The following ZNF676 variants were observed in gnomAD, a reference collection of about 807,000 sequenced individuals.
The protein encoded by ZNF676 is zinc finger protein 676.
In ZNF676, 4 loss-of-function variants were observed where a neutral mutation model predicts 6.0. That is an observed-to-expected ratio of 0.67 (90% CI 0.33 to 1.53). The LOEUF is 1.53. Among genes scored for constraint, ZNF676 ranks in the 40% most tolerant of loss-of-function variants. The pLI, the probability that ZNF676 is intolerant of heterozygous loss-of-function variation, is 0.06. For synonymous variants in ZNF676, 198 were observed against 223.1 expected (o/e 0.89, Z 1.00); for missense variants, 644 against 679.7 (o/e 0.95, Z 0.58).
At chr19:22,235,028 G>GAAAAGAAAAGA in the ZNF676 span, among the ~76,000 whole-genome samples, 8 of 62,352 alleles carry the variant, frequency 1.3e-4, no homozygotes, top group Non-Finnish European at 2.2e-4. Context: ...AAGAAAGAAA[G>GAAAAGAAAAGA]AAAGAAAAGA....
At chr19:22,241,820 T>A in the ZNF676 span, among the ~76,000 whole-genome samples, 1 of 151,844 alleles carries the variant, frequency 6.6e-6, no homozygotes, top group Non-Finnish European at 1.5e-5. Context: ...ACCATCTCAT[T>A]TGTGGTCAGG....
chr19:22,244,630 T>C, the ZNF676 span: 1 of 152,182 alleles, frequency 6.6e-6, no homozygotes, highest in African/African-American at 2.4e-5. Flanking sequence ...CAGTGATATT[T>C]TACAATGCTC....
At chr19:22,214,854 A>C (rs1462991671) in intron 1 of ZNF676, among the ~76,000 whole-genome samples, 1 of 151,618 alleles carries the variant, frequency 6.6e-6, no homozygotes, top group East Asian at 2.0e-4. Context: ...CCTGACTAAC[A>C]CGGTGAAACT....
chr19:22,252,403 A>AG, the ZNF676 span, among the ~76,000 whole-genome samples: 1 of 149,880 alleles, frequency 6.7e-6, no homozygotes, highest in Non-Finnish European at 1.5e-5. Context: ...TGAAAAAAAA[A>AG]AAGAAAAGAA....
the ZNF676 span, among the ~76,000 whole-genome samples, chr19:22,256,214 TGA>T: frequency 5.3e-5 from 8 of 152,238 alleles, no homozygotes; most frequent in Admixed American, 5.2e-4. Flanking sequence ...GTTTAAGATA[TGA>T]GAGTCATCAT....
chr19:22,230,994 T>G, the ZNF676 span, among the ~76,000 whole-genome samples: 55 of 152,144 alleles, frequency 3.6e-4, no homozygotes, highest in South Asian at 8.3e-4. Context: ...TGGATAGATA[T>G]TCACATACAA....
the ZNF676 span, among the ~76,000 whole-genome samples, chr19:22,232,389 A>T: frequency 1.3e-5 from 2 of 152,092 alleles, no homozygotes; most frequent in South Asian, 2.1e-4. Flanking sequence ...GATGGTCTTG[A>T]TCTCTTGACC....
At chr19:22,234,663 G>A in the ZNF676 span, among the ~76,000 whole-genome samples, 1 of 152,172 alleles carries the variant, frequency 6.6e-6, no homozygotes, top group East Asian at 1.9e-4. Flanking sequence ...GCCAGGTGCA[G>A]TGGCTCATGC....
At chr19:22,236,788 C>CT in the ZNF676 span, among the ~76,000 whole-genome samples, 11 of 152,164 alleles carry the variant, frequency 7.2e-5, no homozygotes, top group African/African-American at 2.7e-4. Flanking sequence ...AATTTTACTT[C>CT]TAAGATCACT....
intron 2 of ZNF676, among the ~76,000 whole-genome samples, chr19:22,185,253 T>G (rs536354275): frequency 1.4e-4 from 22 of 152,132 alleles, no homozygotes; most frequent in Non-Finnish European, 2.8e-4. Flanking sequence ...CAGCAAGGTC[T>G]AGCAGATCTG....
the ZNF676 span, among the ~76,000 whole-genome samples, chr19:22,252,583 G>A: frequency 6.6e-6 from 1 of 152,194 alleles, no homozygotes; most frequent in Admixed American, 6.5e-5. Flanking sequence ...CTTGAAAGAA[G>A]GGTGAGCCAG....
Position 22,181,384 on chromosome 19 carries a change from T to C in ZNF676, c.333A>G (p.Lys111=). ...LNQSLTTTQS[K]VFQCGKYANV... ...TTGCATATTTGCCACATTGAAATAC[T>C]TTGCTCTGTGTAGTTGTTAAACTCT... The change falls in exon 3 of 3, where the codon AAA becomes AAG. Residue 111 remains lysine, a synonymous_variant. Coordinates refer to ENST00000397121, the MANE Select transcript of ZNF676 (RefSeq NM_001001411.3). The C allele has an allele frequency of 6.2e-7, 1 of 1,613,754 alleles. No individual in the cohort carries two copies. The highest frequency in any genetic ancestry group is 8.5e-7 in the Non-Finnish European group (1 of 1,179,770).
the ZNF676 span, among the ~76,000 whole-genome samples, chr19:22,222,102 A>C: frequency 7.7e-6 from 1 of 129,928 alleles, no homozygotes; most frequent in Admixed American, 7.8e-5. Context: ...TTTTAGGCTA[A>C]AATATATTTT....
chr19:22,221,256 GT>G, the ZNF676 span, among the ~76,000 whole-genome samples: 2 of 151,914 alleles, frequency 1.3e-5, no homozygotes, highest in East Asian at 3.9e-4. Context: ...TATCCCAGAT[GT>G]TTTAATATGT....
chr19:22,181,873 T>A (rs765550765), intron 2 of ZNF676, among the ~76,000 whole-genome samples: 3 of 151,710 alleles, frequency 2.0e-5, no homozygotes, highest in Non-Finnish European at 4.4e-5. Context: ...CCAATACAAC[T>A]CTTTCTGCTC....
chr19:22,201,288 C>T (rs1191208721), upstream of ZNF676, among the ~76,000 whole-genome samples: 2 of 152,170 alleles, frequency 1.3e-5, no homozygotes, highest in East Asian at 1.9e-4. Context: ...GAGCCTCTCA[C>T]ATAACTGGGG....
chr19:22,215,061 C>CCAA (rs1555775852), intron 1 of ZNF676, among the ~76,000 whole-genome samples: 6 of 124,622 alleles, frequency 4.8e-5, no homozygotes, highest in South Asian at 2.7e-4. Context: ...AAAAAAAAAA[C>CCAA]AACAAAAAAC....
At chr19:22,220,275 T>C (rs1038005005), upstream of ZNF676, among the ~76,000 whole-genome samples, 2 of 152,004 alleles carry the variant, frequency 1.3e-5, no homozygotes, top group Non-Finnish European at 2.9e-5. Context: ...TGGTGTGTAG[T>C]TTTCTTTTAT....
chr19:22,194,767 C>T (rs1215065649), intron 1 of ZNF676, among the ~76,000 whole-genome samples: 2 of 152,184 alleles, frequency 1.3e-5, no homozygotes, highest in East Asian at 3.9e-4. Flanking sequence ...TCCCCTCAAA[C>T]AATGACGGCA....
Sources: gnomAD v4.1 joint callset for allele counts (sites outside exome capture counted in the v4.1 genomes callset) on GRCh38, gnomAD v4.1.1 for gene constraint, MANE v1.5 for transcripts, NCBI Gene and HGNC (gene_info 2026-07-23, HGNC 2026-07-21) for gene names.